CSMD3: variants seen among roughly 807,000 people sequenced by gnomAD.
CSMD3 encodes the protein CUB and sushi domain-containing protein 3.
A neutral mutation model predicts 435.2 loss-of-function variants in CSMD3; 177 were observed. That is an observed-to-expected ratio of 0.41 (90% confidence interval 0.36 to 0.46). CSMD3 has a LOEUF of 0.46. CSMD3 is among the 20% of genes least tolerant of loss of function. The probability of loss-of-function intolerance (pLI) is 0.34; values close to 1 mark genes in which losing one functional copy is unlikely to be tolerated. For synonymous variants in CSMD3, 1,656 were observed against 1,520.5 expected (o/e 1.09, Z -2.07); for missense variants, 4,265 against 4,504.6 (o/e 0.95, Z 1.52).
chr8:112,686,913 T>C (rs76273695), intron 14 of CSMD3, among the ~76,000 whole-genome samples: 3,787 of 152,228 alleles, frequency 0.025, 79 homozygotes, highest in East Asian at 0.074. Flanking sequence ...TAGTTAAAAC[T>C]CTCCTCCATT....
Position 112,499,716 on chromosome 8 carries a change from C to T in CSMD3, c.5083+4074G>A, listed in dbSNP as rs145982846. On this transcript the variant is annotated intron_variant, in intron 30 of 70. Transcript: ENST00000297405. ...AAAATCATAATGCTATACTTAGAAC[C>T]AATTTAGAATAAAATTATGATAAAT... Among the ~76,000 whole-genome samples the T allele has an allele frequency of 8.9e-4, 135 of 152,144 alleles. 2 individuals are homozygous for T. In the East Asian group the frequency reaches 0.02, roughly 22 times the overall value.
At chr8:112,783,476 A>AGGAG (rs2078451162) in intron 13 of CSMD3, among the ~76,000 whole-genome samples, 1 of 95,992 alleles carries the variant, frequency 1.0e-5, no homozygotes, top group Admixed American at 1.4e-4. Context: ...GAAGGAAGGA[A>AGGAG]GGAAGGGAGA....
At chr8:113,385,146 A>T (rs1447608472) in intron 1 of CSMD3, among the ~76,000 whole-genome samples, 9 of 152,074 alleles carry the variant, frequency 5.9e-5, no homozygotes, top group Admixed American at 5.9e-4. Context: ...AAACCCTAAA[A>T]TCCTAAAACC....
intron 45 of CSMD3, among the ~76,000 whole-genome samples, chr8:112,322,714 C>T (rs1039418368): frequency 2.6e-5 from 4 of 152,040 alleles, no homozygotes; most frequent in Admixed American, 6.6e-5. Flanking sequence ...TTTCCCACTC[C>T]TCACTGTTAT....
chr8:112,692,978 G>A (rs931075441), intron 13 of CSMD3, among the ~76,000 whole-genome samples: 1 of 150,548 alleles, frequency 6.6e-6, no homozygotes, highest in East Asian at 2.0e-4. Flanking sequence ...TCTATCGAGA[G>A]AAAATAACAT....
chr8:113,271,431 C>T (rs926594396), intron 3 of CSMD3, among the ~76,000 whole-genome samples: 4 of 152,116 alleles, frequency 2.6e-5, no homozygotes, highest in Admixed American at 2.6e-4. Flanking sequence ...TGCTCTGCGT[C>T]CCAGCTGCTC....
At chr8:112,235,477 T>C (rs1813483734) in intron 67 of CSMD3, among the ~76,000 whole-genome samples, 1 of 152,068 alleles carries the variant, frequency 6.6e-6, no homozygotes, top group Admixed American at 6.6e-5. Context: ...AGTAGAATTT[T>C]TAGTTTGGGA....
chr8:112,930,175 T>A (rs545568149), intron 9 of CSMD3, among the ~76,000 whole-genome samples: 4 of 152,272 alleles, frequency 2.6e-5, no homozygotes, highest in African/African-American at 9.6e-5. Context: ...ATACGCCTCT[T>A]TAAGCCATAA....
intron 12 of CSMD3, among the ~76,000 whole-genome samples, chr8:112,807,522 AGGTAGGTAGGTAGGT>A (rs1234949056): frequency 1.2e-4 from 18 of 150,168 alleles, no homozygotes; most frequent in Non-Finnish European, 2.1e-4. Context: ...GTAGGTAGGT[AGGTAGGTAGGTAGGT>A]AGGAAATACA....
At chr8:112,904,081 T>C (rs1564086764) in intron 10 of CSMD3, among the ~76,000 whole-genome samples, 1 of 151,340 alleles carries the variant, frequency 6.6e-6, no homozygotes, top group African/African-American at 2.4e-5. Context: ...ACAATGCTTT[T>C]TCCCCCCCAG....
intron 6 of CSMD3, among the ~76,000 whole-genome samples, chr8:112,998,130 C>T (rs563444904): frequency 1.3e-5 from 2 of 151,786 alleles, no homozygotes; most frequent in African/African-American, 4.8e-5. Flanking sequence ...GGAACTCTTT[C>T]CACATTGAAA....
At chr8:112,352,338 T>C in intron 39 of CSMD3, 78 bp downstream of exon 39, 1 of 1,600,448 alleles carries the variant, frequency 6.2e-7, no homozygotes, top group Non-Finnish European at 8.5e-7. Flanking sequence ...GTAAAACCCG[T>C]GGCTTATCAA....
intron 13 of CSMD3, among the ~76,000 whole-genome samples, chr8:112,717,047 A>T (rs370232143): frequency 1.8e-4 from 27 of 152,322 alleles, no homozygotes; most frequent in African/African-American, 6.5e-4. Context: ...AGCAATTGCA[A>T]CAGAAGCTAA....
At chr8:112,850,918 A>G (rs920263312) in intron 11 of CSMD3, among the ~76,000 whole-genome samples, 1 of 152,172 alleles carries the variant, frequency 6.6e-6, no homozygotes, top group African/African-American at 2.4e-5. Context: ...GATTTAAATA[A>G]CCTCAGGGGC....
intron 1 of CSMD3, 62 bp from the exon 2 acceptor site, chr8:113,314,855 A>G: frequency 8.8e-7 from 1 of 1,138,434 alleles, no homozygotes; most frequent in Non-Finnish European, 1.3e-6. Flanking sequence ...TCCATGAGAT[A>G]ATATTATTTT....
chr8:113,178,365 C>T (rs1200434293), intron 3 of CSMD3, among the ~76,000 whole-genome samples: 1 of 151,906 alleles, frequency 6.6e-6, no homozygotes, highest in African/African-American at 2.4e-5. Flanking sequence ...TTCACAATTA[C>T]ATATTGCTAT....
At position 113,436,694 on chromosome 8, in the gene CSMD3, G is replaced by A. The variant is rs2130151698; in HGVS notation, c.161C>T (p.Thr54Met). Residue 54 changes from threonine (T) to methionine (M), a missense_variant, in exon 1 of 71, where the codon ACG becomes ATG. Thr to Met is a moderately conservative substitution (Grantham distance 81). Coordinates refer to ENST00000297405, the MANE Select transcript of CSMD3 (RefSeq NM_198123.2). ...FTFWNLVFLL[T>M]VSCVKGFIYT... Reference sequence around the variant, plus strand: ...AGACCTACCTTTCACACAAGACACCGTCAATAAAAAGACGAGGTTCCAAAA... The same window carrying A: ...AGACCTACCTTTCACACAAGACACCATCAATAAAAAGACGAGGTTCCAAAA... 1 of 1,614,080 alleles carries A rather than the reference G, an allele frequency of 6.2e-7. No homozygotes were observed. The highest frequency in any genetic ancestry group is 8.5e-7 in the Non-Finnish European group (1 of 1,180,000).
At chr8:112,255,834 A>G (rs1815739014) in intron 61 of CSMD3, 2 of 207,100 alleles carry the variant, frequency 9.7e-6, no homozygotes, top group Non-Finnish European at 2.0e-5. Flanking sequence ...GCTGCACGCT[A>G]CAGATTGCAG....
chr8:112,475,315 T>C (rs1818935423), intron 31 of CSMD3, among the ~76,000 whole-genome samples: 1 of 152,142 alleles, frequency 6.6e-6, no homozygotes, highest in Admixed American at 6.5e-5. Flanking sequence ...TTAGGACAGC[T>C]TTTATTAAAA....
Sources: gnomAD v4.1 joint callset for allele counts (sites outside exome capture counted in the v4.1 genomes callset) on GRCh38, gnomAD v4.1.1 for gene constraint, MANE v1.5 for transcripts, NCBI Gene and HGNC (gene_info 2026-07-23, HGNC 2026-07-21) for gene names.